Variants in LHFPL3 observed in about 807,000 individuals in gnomAD.
The protein encoded by LHFPL3 is LHFPL tetraspan subfamily member 3 protein.
A neutral mutation model predicts 19.3 loss-of-function variants in LHFPL3; 5 were observed. That is an observed-to-expected ratio of 0.26 (90% CI 0.14 to 0.54). LHFPL3 has a LOEUF of 0.54. LHFPL3 is among the 20% of genes least tolerant of loss of function. The pLI is 0.94. For synonymous variants in LHFPL3, 133 were observed against 126.2 expected (o/e 1.05, Z -0.36); for missense variants, 249 against 307.4 (o/e 0.81, Z 1.42).
At position 104,775,089 on chromosome 7, in the gene LHFPL3, G is replaced by C. The variant is rs1402888634; in HGVS notation, c.682+38178G>C. Among the ~76,000 whole-genome samples the C allele has an allele frequency of 3.3e-5, 5 of 152,290 alleles. No individual in the cohort carries two copies. The East Asian group carries it at 9.7e-4, about 29-fold the overall frequency. On this transcript the variant is annotated intron_variant, in intron 2 of 2. Transcript: ENST00000424859. ...ATAGGATAACCATAATACAGTATATGTTTGACAATTAAATATAGCTGACTG... is the reference window on the plus strand; with the variant it reads ...ATAGGATAACCATAATACAGTATATCTTTGACAATTAAATATAGCTGACTG...
At chr7:104,740,916 C>T (rs543935674) in intron 2 of LHFPL3, among the ~76,000 whole-genome samples, 1 of 152,106 alleles carries the variant, frequency 6.6e-6, no homozygotes, top group African/African-American at 2.4e-5. Context: ...CAACATTCCA[C>T]CTAATGGATA....
chr7:104,366,217 A>G (rs1313616682), intron 1 of LHFPL3, among the ~76,000 whole-genome samples: 1 of 152,224 alleles, frequency 6.6e-6, no homozygotes, highest in Non-Finnish European at 1.5e-5. Context: ...AACAGTGCTC[A>G]ATAAAGATGA....
chr7:104,545,672 C>G (rs1794565932), intron 1 of LHFPL3, among the ~76,000 whole-genome samples: 1 of 152,226 alleles, frequency 6.6e-6, no homozygotes, highest in South Asian at 2.1e-4. Flanking sequence ...TTGAGATGCT[C>G]CTGTGCAGAA....
intron 1 of LHFPL3, among the ~76,000 whole-genome samples, chr7:104,453,949 G>A (rs928847251): frequency 6.6e-6 from 1 of 152,154 alleles, no homozygotes; most frequent in African/African-American, 2.4e-5. Context: ...TTCCTGTAAA[G>A]CCTGCAGAAC....
At chr7:104,457,504 C>T (rs1024036926) in intron 1 of LHFPL3, among the ~76,000 whole-genome samples, 4 of 151,722 alleles carry the variant, frequency 2.6e-5, no homozygotes, top group Non-Finnish European at 5.9e-5. Flanking sequence ...TTTCTTAATC[C>T]AGTCTATCGT....
At chr7:104,721,320 T>C (rs1212802333) in intron 1 of LHFPL3, among the ~76,000 whole-genome samples, 1 of 152,016 alleles carries the variant, frequency 6.6e-6, no homozygotes, top group African/African-American at 2.4e-5. Context: ...CTCTCCCTCA[T>C]AGGTGGGAAC....
chr7:104,881,752 C>CA (rs1792061693), intron 2 of LHFPL3, among the ~76,000 whole-genome samples: 1 of 152,156 alleles, frequency 6.6e-6, no homozygotes. Context: ...AAAATGCTAT[C>CA]AAACAGCATC....
At chr7:104,844,763 C>G (rs147580943) in intron 2 of LHFPL3, among the ~76,000 whole-genome samples, 1 of 152,028 alleles carries the variant, frequency 6.6e-6, no homozygotes, top group Non-Finnish European at 1.5e-5. Flanking sequence ...TTTTTTGAGA[C>G]GCAATTTTGC....
At chr7:104,823,317 A>G (rs1210805915) in intron 2 of LHFPL3, among the ~76,000 whole-genome samples, 1 of 152,148 alleles carries the variant, frequency 6.6e-6, no homozygotes, top group African/African-American at 2.4e-5. Flanking sequence ...CAGCTATGTG[A>G]CCCATGACAG....
intron 1 of LHFPL3, among the ~76,000 whole-genome samples, chr7:104,572,136 G>A (rs971564987): frequency 1.3e-5 from 2 of 152,184 alleles, no homozygotes; most frequent in African/African-American, 2.4e-5. Flanking sequence ...AAGTGTGGTG[G>A]TGTTTTCAAG....
intron 2 of LHFPL3, chr7:104,796,841 T>C (rs1190216404): frequency 6.5e-6 from 1 of 152,674 alleles, no homozygotes; most frequent in Non-Finnish European, 1.5e-5. Flanking sequence ...CTACCATGCA[T>C]GGTGTCTGCT....
intron 1 of LHFPL3, among the ~76,000 whole-genome samples, chr7:104,423,378 C>T (rs1379060238): frequency 6.6e-6 from 1 of 152,016 alleles, no homozygotes; most frequent in Non-Finnish European, 1.5e-5. Context: ...TATGGAAGGC[C>T]AAAGTGGGAG....
chr7:104,570,872 GCTCTCC>G (rs1322288310), intron 1 of LHFPL3, among the ~76,000 whole-genome samples: 1 of 152,008 alleles, frequency 6.6e-6, no homozygotes, highest in Non-Finnish European at 1.5e-5. Context: ...GCTTTCTTAT[GCTCTCC>G]TAAATGTAAA....
chr7:104,764,124 T>G (rs888899348), intron 2 of LHFPL3, among the ~76,000 whole-genome samples: 2 of 152,190 alleles, frequency 1.3e-5, no homozygotes, highest in African/African-American at 4.8e-5. Flanking sequence ...TTCCTCTCTC[T>G]GGCACACACT....
chr7:104,580,008 A>G (rs1451495861), intron 1 of LHFPL3, among the ~76,000 whole-genome samples: 1 of 152,196 alleles, frequency 6.6e-6, no homozygotes, highest in Non-Finnish European at 1.5e-5. Context: ...CAAATTGTTA[A>G]CTATCGACTA....
intron 1 of LHFPL3, among the ~76,000 whole-genome samples, chr7:104,627,344 T>C (rs1791563887): frequency 6.6e-6 from 1 of 152,222 alleles, no homozygotes; most frequent in African/African-American, 2.4e-5. Flanking sequence ...ATTGTGTTTA[T>C]ATACCACATA....
intron 2 of LHFPL3, among the ~76,000 whole-genome samples, chr7:104,866,466 G>A (rs1791725146): frequency 6.6e-6 from 1 of 152,062 alleles, no homozygotes; most frequent in South Asian, 2.1e-4. Flanking sequence ...ACAAAGATCA[G>A]AAGAGACAAA....
intron 1 of LHFPL3, among the ~76,000 whole-genome samples, chr7:104,500,061 A>G (rs1793571312): frequency 6.6e-6 from 1 of 152,204 alleles, no homozygotes; most frequent in Non-Finnish European, 1.5e-5. Context: ...TGCATTGCCT[A>G]CTGATGTGAT....
At chr7:104,512,736 C>G (rs1418003721) in intron 1 of LHFPL3, among the ~76,000 whole-genome samples, 1 of 147,698 alleles carries the variant, frequency 6.8e-6, no homozygotes, top group African/African-American at 2.5e-5. Flanking sequence ...GACACCTTCT[C>G]AAAAGAAAAA....
Sources: gnomAD v4.1 joint callset for allele counts (sites outside exome capture counted in the v4.1 genomes callset) on GRCh38, gnomAD v4.1.1 for gene constraint, MANE v1.5 for transcripts, NCBI Gene and HGNC (gene_info 2026-07-23, HGNC 2026-07-21) for gene names.